The following TCF3 variants were observed in gnomAD, a reference collection of about 807,000 sequenced individuals.
TCF3 encodes transcription factor 3.
In TCF3, 54 loss-of-function variants were observed where a neutral mutation model predicts 72.3. That is an observed-to-expected ratio of 0.75 (90% CI 0.60 to 0.94). TCF3 has a LOEUF of 0.94. Ranked by LOEUF, TCF3 falls within the 40% of genes least tolerant of loss-of-function variation. The pLI, the probability that TCF3 is intolerant of heterozygous loss-of-function variation, is 0.00. For synonymous variants in TCF3, 525 were observed against 412.6 expected (o/e 1.27, Z -3.30); for missense variants, 1,078 against 934.4 (o/e 1.15, Z -2.00).
rs925058434 is a variant in TCF3 at position 1,627,565 on chromosome 19, C to G, written c.299-139G>C. On this transcript the variant is annotated intron_variant, in intron 5 of 18. Coordinates refer to ENST00000262965, the MANE Select transcript of TCF3 (RefSeq NM_003200.5). The stretch of plus-strand genomic sequence containing the variant: ...GCGCCACGGCAGGATGCTGGCAGAG[C>G]CTGACCCCAGTGTGCCCATCTCGGG... The G allele has an allele frequency of 8.0e-6, 6 of 754,342 alleles. No individual in the cohort carries two copies. The South Asian group carries it at 8.6e-5, about 11-fold the overall frequency. The allele number at this position is 754,342 out of a possible 1,614,324, so 46.7% of individuals were successfully genotyped here. A position where few individuals can be genotyped will look rare whatever the true frequency, so the allele number is the denominator to read the frequency against.
Position 1,611,859 on chromosome 19 carries a change from G to C in TCF3, c.1823-10C>G, listed in dbSNP as rs201548280. On this transcript the variant is annotated splice_polypyrimidine_tract_variant and intron_variant, in intron 18 of 18. Transcript: ENST00000262965. The stretch of plus-strand genomic sequence containing the variant: ...GGATTCAGGTTCCGCTCTGGAGGGA[G>C]GGGGGAGAGCTCTGTGGGAGACGGT... The C allele has an allele frequency of 6.2e-7, 1 of 1,605,124 alleles. No individual in the cohort carries two copies. The highest frequency in any genetic ancestry group is 8.5e-7 in the Non-Finnish European group (1 of 1,175,916).
intron 3 of TCF3, among the ~76,000 whole-genome samples, chr19:1,642,429 C>G (rs1008309940): frequency 2.0e-5 from 3 of 152,198 alleles, no homozygotes; most frequent in African/African-American, 7.2e-5. Flanking sequence ...CGGGACGGTA[C>G]CCCTGGGGGT....
chr19:1,649,897 G>T (rs946936063), intron 2 of TCF3, among the ~76,000 whole-genome samples: 4 of 152,210 alleles, frequency 2.6e-5, no homozygotes, highest in African/African-American at 9.6e-5. Context: ...AGCCAAGCTG[G>T]GGGCCCAGGA....
At chr19:1,621,292 C>T in intron 11 of TCF3, 101 bp from the exon 12 acceptor site, 3 of 1,353,586 alleles carry the variant, frequency 2.2e-6, no homozygotes, top group Non-Finnish European at 3.0e-6. Context: ...CACTGCTGCG[C>T]CAGGGAGAGC....
At chr19:1,636,341 G>A (rs1196194917) in intron 3 of TCF3, among the ~76,000 whole-genome samples, 1 of 152,116 alleles carries the variant, frequency 6.6e-6, no homozygotes, top group East Asian at 1.9e-4. Context: ...TGTATTTTTA[G>A]TAGAGACGGG....
intron 7 of TCF3, 66 bp from the exon 8 acceptor site, chr19:1,624,066 G>A (rs1407441270): frequency 6.6e-7 from 1 of 1,511,948 alleles, no homozygotes; most frequent in Non-Finnish European, 9.1e-7. Context: ...CCTACACCCT[G>A]GAGGAGAGAC....
At chr19:1,637,120 T>C (rs998514050) in intron 3 of TCF3, among the ~76,000 whole-genome samples, 2 of 148,748 alleles carry the variant, frequency 1.3e-5, no homozygotes, top group African/African-American at 2.5e-5. Context: ...CGGGGACAAC[T>C]GGCAACCTCC....
intron 3 of TCF3, among the ~76,000 whole-genome samples, chr19:1,641,578 G>A (rs1016801523): frequency 1.3e-5 from 2 of 152,048 alleles, no homozygotes; most frequent in Non-Finnish European, 2.9e-5. Flanking sequence ...TCAGCCTCCC[G>A]AGTAGCTGGG....
At position 1,632,153 on chromosome 19, in the gene TCF3, C is replaced by T. The variant is rs750082249; in HGVS notation, c.220-37G>A. On this transcript the variant is annotated intron_variant, in intron 4 of 18. Coordinates refer to ENST00000262965, the MANE Select transcript of TCF3 (RefSeq NM_003200.5). The stretch of plus-strand genomic sequence containing the variant: ...GGGGTGGGGATGAGAGGTGCTGGGG[C>T]TTCACAGGCCCCCCCTCCACCCCGC... 4 of 1,600,804 alleles carry T rather than the reference C, an allele frequency of 2.5e-6. No homozygotes were observed. In the East Asian group the frequency reaches 9.1e-5, roughly 36 times the overall value.
chr19:1,636,710 G>A (rs750066573), intron 3 of TCF3, among the ~76,000 whole-genome samples: 6 of 152,106 alleles, frequency 3.9e-5, no homozygotes, highest in Non-Finnish European at 7.4e-5. Flanking sequence ...GTCAGGGCCC[G>A]CAGGCTGTGT....
chr19:1,627,279 G>C lies in TCF3; in HGVS notation c.366+80C>G, dbSNP rs531349059. 78 of 1,304,248 alleles carry C rather than the reference G, an allele frequency of 6.0e-5. 1 individual carries two copies. In the East Asian group the frequency reaches 2.1e-3, roughly 35 times the overall value. 80.8% of individuals were successfully genotyped at this position (1,304,248 alleles called of 1,614,324 possible). On this transcript the variant is annotated intron_variant, in intron 6 of 18. Transcript: ENST00000262965. ...CAAACATAACCTAGCTAAGCCAGGA[G>C]AGCTTCTGCAGATCAGAGAGGGTGG... is the stretch of plus-strand genomic sequence containing the variant.
Position 1,632,422 on chromosome 19 carries a change from G to A in TCF3, c.146-17C>T. 6.3e-7 allele frequency: 1 copy of A among 1,582,486 alleles called. No individual in the cohort carries two copies. Among genetic ancestry groups the A allele is most frequent in the Non-Finnish European group, 8.6e-7 (1 of 1,164,408 alleles). ...CCTCAAGACCTGCAGGCAGGACAGA[G>A]AGAGTTATGGGTCACCCTCACGCCT... On this transcript the variant is annotated splice_polypyrimidine_tract_variant and intron_variant, in intron 3 of 18. Coordinates refer to ENST00000262965, the MANE Select transcript of TCF3 (RefSeq NM_003200.5).
At chr19:1,633,906 T>TA (rs1407192190) in intron 3 of TCF3, among the ~76,000 whole-genome samples, 2 of 152,176 alleles carry the variant, frequency 1.3e-5, no homozygotes, top group African/African-American at 4.8e-5. Flanking sequence ...TTTGCCTCTA[T>TA]ACCACCTGCA....
At chr19:1,645,474 C>A (rs2065943635) in intron 3 of TCF3, among the ~76,000 whole-genome samples, 1 of 152,210 alleles carries the variant, frequency 6.6e-6, no homozygotes, top group Non-Finnish European at 1.5e-5. Flanking sequence ...CACAGCGCCC[C>A]TAGCCCGCCC....
intron 3 of TCF3, among the ~76,000 whole-genome samples, chr19:1,646,133 G>A (rs1227181988): frequency 6.6e-6 from 1 of 152,138 alleles, no homozygotes. Context: ...GGAGGGACGA[G>A]GGGACGAGGG....
intron 3 of TCF3, among the ~76,000 whole-genome samples, chr19:1,635,554 G>A (rs1422010881): frequency 2.6e-5 from 4 of 151,628 alleles, no homozygotes. Flanking sequence ...TTTGTCTGCA[G>A]CACTGCCTGG....
intron 3 of TCF3, among the ~76,000 whole-genome samples, chr19:1,642,561 A>G (rs1436359609): frequency 6.6e-6 from 1 of 152,238 alleles, no homozygotes; most frequent in Non-Finnish European, 1.5e-5. Context: ...CCAGAGAGCC[A>G]TTCACAGGGT....
intron 11 of TCF3, among the ~76,000 whole-genome samples, 177 bp from the exon 12 acceptor site, chr19:1,621,368 G>A (rs1050928572): frequency 3.3e-5 from 5 of 152,246 alleles, no homozygotes; most frequent in African/African-American, 7.2e-5. Flanking sequence ...TTGAGGCACT[G>A]GGGACAGGCC....
chr19:1,647,074 G>C (rs773961462), intron 2 of TCF3, among the ~76,000 whole-genome samples: 5 of 152,164 alleles, frequency 3.3e-5, no homozygotes, highest in Non-Finnish European at 7.4e-5. Context: ...CCCCGGGCCC[G>C]GCAGGAAGCT....
Sources: gnomAD v4.1 joint callset for allele counts (sites outside exome capture counted in the v4.1 genomes callset) on GRCh38, gnomAD v4.1.1 for gene constraint, MANE v1.5 for transcripts, NCBI Gene and HGNC (gene_info 2026-07-23, HGNC 2026-07-21) for gene names.